ROBO1: variants seen among roughly 807,000 people sequenced by gnomAD.
The protein encoded by ROBO1 is roundabout guidance receptor 1, also known as roundabout homolog 1.
A neutral mutation model predicts 195.9 loss-of-function variants in ROBO1; 149 were observed. The ratio of observed to expected loss-of-function variants is 0.76; its 90% CI spans 0.67 to 0.87. The LOEUF (loss-of-function observed/expected upper bound fraction) is 0.87, where lower values mean the gene tolerates loss of function less well. ROBO1 is among the 40% of genes least tolerant of loss of function. ROBO1 has a pLI of 0.00. For missense variants in ROBO1, 1,933 were observed against 2,068.3 expected (o/e 0.93, Z 1.27); for synonymous variants, 816 against 733.2 (o/e 1.11, Z -1.82).
chr3:79,109,997 C>G (rs2079856475), intron 3 of ROBO1, among the ~76,000 whole-genome samples: 1 of 151,968 alleles, frequency 6.6e-6, no homozygotes, highest in Non-Finnish European at 1.5e-5. Flanking sequence ...TGCAGATGAC[C>G]CCTACATTGG....
intron 2 of ROBO1, among the ~76,000 whole-genome samples, chr3:79,526,240 T>C (rs1941427604): frequency 6.6e-6 from 1 of 152,224 alleles, no homozygotes. Context: ...CTCGTATATG[T>C]GTTGCAGAAT....
At chr3:79,531,843 C>T (rs1941674881) in intron 2 of ROBO1, among the ~76,000 whole-genome samples, 1 of 100,838 alleles carries the variant, frequency 9.9e-6, no homozygotes, top group Non-Finnish European at 2.3e-5. Flanking sequence ...AGCATGAAGT[C>T]CGAATCATAG....
At chr3:79,460,872 C>T (rs567077710) in intron 2 of ROBO1, among the ~76,000 whole-genome samples, 9 of 152,166 alleles carry the variant, frequency 5.9e-5, no homozygotes, top group African/African-American at 9.6e-5. Context: ...CTCAACCTCC[C>T]GAGTAGCTGG....
intron 4 of ROBO1, among the ~76,000 whole-genome samples, chr3:78,767,963 G>T (rs1195533882): frequency 1.3e-5 from 2 of 151,786 alleles, no homozygotes; most frequent in Non-Finnish European, 2.9e-5. Context: ...TCTTCTGCTG[G>T]GTTTGGGTTT....
intron 25 of ROBO1, among the ~76,000 whole-genome samples, chr3:78,629,706 C>G (rs760178386): frequency 1.4e-5 from 2 of 146,022 alleles, no homozygotes; most frequent in Non-Finnish European, 3.0e-5. Context: ...GTTTCGTTTT[C>G]ATTACTTGCA....
chr3:78,711,588 C>T (rs1311407421), intron 8 of ROBO1, among the ~76,000 whole-genome samples: 7 of 150,724 alleles, frequency 4.6e-5, no homozygotes, highest in East Asian at 3.9e-4. Flanking sequence ...CAGGTTCAAG[C>T]GATTCTCCTG....
At chr3:79,726,573 A>G (rs1702934573) in intron 1 of ROBO1, among the ~76,000 whole-genome samples, 2 of 152,128 alleles carry the variant, frequency 1.3e-5, no homozygotes, top group Admixed American at 6.5e-5. Flanking sequence ...AATTGATTTT[A>G]TTGTGTACTT....
At chr3:79,001,553 G>A (rs1215118743) in intron 3 of ROBO1, among the ~76,000 whole-genome samples, 2 of 152,032 alleles carry the variant, frequency 1.3e-5, no homozygotes, top group African/African-American at 2.4e-5. Context: ...CAGGTACCCA[G>A]TAAAGGTTAT....
chr3:79,280,313 T>A (rs1297004848), intron 2 of ROBO1, among the ~76,000 whole-genome samples: 1 of 152,156 alleles, frequency 6.6e-6, no homozygotes, highest in South Asian at 2.1e-4. Flanking sequence ...ATACATTATA[T>A]GTTTTGAAAT....
intron 3 of ROBO1, among the ~76,000 whole-genome samples, chr3:79,020,232 C>T (rs982118924): frequency 2.0e-5 from 3 of 152,178 alleles, no homozygotes; most frequent in African/African-American, 7.2e-5. Context: ...GCCCTGAAAT[C>T]CCAACCTGCC....
chr3:79,395,881 A>G (rs7643666), intron 2 of ROBO1, among the ~76,000 whole-genome samples: 5,235 of 152,142 alleles, frequency 0.034, 202 homozygotes, highest in African/African-American at 0.098. Flanking sequence ...TAAATATATT[A>G]TGATTAACAT....
intron 2 of ROBO1, among the ~76,000 whole-genome samples, chr3:79,139,492 C>T (rs1479299654): frequency 2.0e-5 from 3 of 151,968 alleles, no homozygotes; most frequent in Middle Eastern, 3.2e-3. Flanking sequence ...GATGTCTAAA[C>T]GTTTGGTTTA....
chr3:79,181,106 T>C (rs1576781588), intron 2 of ROBO1, among the ~76,000 whole-genome samples: 1 of 152,322 alleles, frequency 6.6e-6, no homozygotes, highest in Non-Finnish European at 1.5e-5. Flanking sequence ...TCTTCTCCTA[T>C]CCCTACTTGT....
intron 8 of ROBO1, among the ~76,000 whole-genome samples, chr3:78,689,998 T>C (rs956958859): frequency 1.4e-5 from 2 of 147,968 alleles, no homozygotes; most frequent in African/African-American, 4.9e-5. Context: ...ATGTAAAATA[T>C]ATTTTAATAT....
chr3:78,600,041 T>C, intron 30 of ROBO1, 72 bp downstream of exon 30: 2 of 1,199,000 alleles, frequency 1.7e-6, no homozygotes, highest in South Asian at 2.4e-5. Flanking sequence ...TTCTGTACAC[T>C]GATGAAGGTT....
chr3:79,351,853 C>A (rs2035356070), intron 2 of ROBO1, among the ~76,000 whole-genome samples: 1 of 151,806 alleles, frequency 6.6e-6, no homozygotes. Context: ...CACAGTGTGT[C>A]CTTAACACAC....
At chr3:79,395,340 A>AAAAAAAAAAAAGAAAGAAAGAAAGAAAG (rs71631648) in intron 2 of ROBO1, among the ~76,000 whole-genome samples, 1 of 119,060 alleles carries the variant, frequency 8.4e-6, no homozygotes, top group African/African-American at 3.1e-5. Context: ...AAAAAAAAAA[A>AAAAAAAAAAAAGAAAGAAAGAAAGAAAG]AAAGAAAGAA....
chr3:78,778,065 G>A (rs2083559569), intron 4 of ROBO1, among the ~76,000 whole-genome samples: 1 of 152,106 alleles, frequency 6.6e-6, no homozygotes, highest in Admixed American at 6.6e-5. Context: ...TTTTATCGAA[G>A]GCCTTTTCTG....
chr3:78,996,961 A>G (rs1030312511), intron 3 of ROBO1, among the ~76,000 whole-genome samples: 12 of 152,202 alleles, frequency 7.9e-5, no homozygotes, highest in Admixed American at 6.5e-5. Flanking sequence ...TCATGTAGAT[A>G]TAAGACAGTG....
Sources: gnomAD v4.1 joint callset for allele counts (sites outside exome capture counted in the v4.1 genomes callset) on GRCh38, gnomAD v4.1.1 for gene constraint, MANE v1.5 for transcripts, NCBI Gene and HGNC (gene_info 2026-07-23, HGNC 2026-07-21) for gene names.